Variants in CNBD1 observed in about 807,000 individuals in gnomAD.
The protein encoded by CNBD1 is cyclic nucleotide-binding domain-containing protein 1.
Under a neutral mutation model 54.4 loss-of-function variants are expected in CNBD1, and 71 were observed. That is an observed-to-expected ratio of 1.30 (90% CI 1.08 to 1.59). The LOEUF is 1.59. Among genes scored for constraint, CNBD1 ranks in the 40% most tolerant of loss-of-function variants. The probability of loss-of-function intolerance (pLI) is 0.00; values close to 1 mark genes in which losing one functional copy is unlikely to be tolerated. For synonymous variants in CNBD1, 182 were observed against 170.7 expected (o/e 1.07, Z -0.51); for missense variants, 659 against 518.0 (o/e 1.27, Z -2.64).
chr8:87,352,306 C>G (rs1385765027), intron 9 of CNBD1, among the ~76,000 whole-genome samples: 2 of 152,096 alleles, frequency 1.3e-5, no homozygotes, highest in Admixed American at 1.3e-4. Flanking sequence ...TGGCAAAACC[C>G]TGTCTTTACT....
intron 1 of CNBD1, among the ~76,000 whole-genome samples, chr8:86,871,039 T>G (rs535174486): frequency 1.3e-4 from 20 of 152,370 alleles, no homozygotes; most frequent in South Asian, 4.1e-4. Flanking sequence ...TGTTTTATTG[T>G]AAAGCAAACA....
At chr8:86,897,070 C>T (rs1178889613) in intron 2 of CNBD1, among the ~76,000 whole-genome samples, 1 of 152,134 alleles carries the variant, frequency 6.6e-6, no homozygotes, top group Admixed American at 6.5e-5. Context: ...GGAAAAGTGG[C>T]AGATGTATAG....
At chr8:87,240,894 G>C (rs1306467696) in intron 6 of CNBD1, among the ~76,000 whole-genome samples, 4 of 151,968 alleles carry the variant, frequency 2.6e-5, no homozygotes, top group Admixed American at 6.6e-5. Context: ...TCGCTTTTTA[G>C]GGTCAAAATT....
At chr8:87,066,937 T>C (rs974446559) in intron 4 of CNBD1, among the ~76,000 whole-genome samples, 1 of 151,994 alleles carries the variant, frequency 6.6e-6, no homozygotes, top group African/African-American at 2.4e-5. Flanking sequence ...TTCAGGATTT[T>C]GTTTGTAAAG....
chr8:87,140,055 A>G (rs1366366498), intron 4 of CNBD1, among the ~76,000 whole-genome samples: 1 of 152,208 alleles, frequency 6.6e-6, no homozygotes. Flanking sequence ...TGAAAAGGAA[A>G]AAAAAATTGT....
At chr8:87,069,234 T>G (rs1436779750) in intron 4 of CNBD1, among the ~76,000 whole-genome samples, 1 of 152,074 alleles carries the variant, frequency 6.6e-6, no homozygotes, top group Non-Finnish European at 1.5e-5. Flanking sequence ...CTGTTGTTAC[T>G]GTTTTGAAAA....
intron 8 of CNBD1, among the ~76,000 whole-genome samples, chr8:87,295,814 A>G (rs954388808): frequency 1.1e-4 from 17 of 152,178 alleles, no homozygotes; most frequent in African/African-American, 4.1e-4. Context: ...AAGCAAACTT[A>G]ATATATAAAA....
downstream of CNBD1, among the ~76,000 whole-genome samples, chr8:87,385,588 C>T (rs368804894): frequency 2.2e-3 from 341 of 152,014 alleles, 2 homozygotes; most frequent in African/African-American, 7.7e-3. Context: ...CCACCGTTGC[C>T]GAGGCTTGAG....
In CNBD1 at chr8:86,870,220, G is replaced by A. The variant is rs144181357; in HGVS notation, c.88+3637G>A. Among the ~76,000 whole-genome samples, 137 of 47,946 alleles carry A rather than the reference G, an allele frequency of 2.9e-3. 2 individuals carry two copies. In the East Asian group the frequency reaches 0.067, roughly 23 times the overall value. 31.5% of individuals were successfully genotyped at this position (47,946 alleles called of 152,430 possible). ...TTTTTTTTTTCTGAGACGGAATCTC[G>A]CTCTGTCGCCCAGGCTGGAGTGCAG... On this transcript the variant is annotated intron_variant, in intron 1 of 10. Transcript: ENST00000518476.
intron 8 of CNBD1, among the ~76,000 whole-genome samples, chr8:87,344,857 G>C (rs1810137862): frequency 6.6e-6 from 1 of 152,064 alleles, no homozygotes; most frequent in Non-Finnish European, 1.5e-5. Context: ...AATCATTATA[G>C]GTAGTTAGGC....
intron 4 of CNBD1, among the ~76,000 whole-genome samples, chr8:86,982,065 A>G (rs1477810996): frequency 6.6e-6 from 1 of 152,214 alleles, no homozygotes; most frequent in Non-Finnish European, 1.5e-5. Flanking sequence ...CATCCTGACC[A>G]AAACAGAATT....
chr8:87,370,486 C>A (rs567431272), intron 10 of CNBD1, among the ~76,000 whole-genome samples: 2,779 of 151,834 alleles, frequency 0.018, 93 homozygotes, highest in African/African-American at 0.061. Context: ...AGTGATGGTG[C>A]GCATTTTTTC....
At chr8:87,141,000 C>A (rs1472845805) in intron 4 of CNBD1, among the ~76,000 whole-genome samples, 2 of 152,106 alleles carry the variant, frequency 1.3e-5, no homozygotes, top group Non-Finnish European at 2.9e-5. Context: ...ATAAAAGGAA[C>A]ATGTTTCCTA....
intron 6 of CNBD1, among the ~76,000 whole-genome samples, chr8:87,259,353 C>T (rs1808088984): frequency 6.6e-6 from 1 of 152,134 alleles, no homozygotes; most frequent in Non-Finnish European, 1.5e-5. Context: ...AATTTAATGT[C>T]TCCAAAATAA....
intron 4 of CNBD1, among the ~76,000 whole-genome samples, chr8:86,946,702 T>C (rs945245270): frequency 9.1e-6 from 1 of 110,102 alleles, no homozygotes; most frequent in Non-Finnish European, 2.1e-5. Context: ...TGTGTTGTAT[T>C]ACAGATTTAA....
intron 8 of CNBD1, 141 bp from the exon 9 acceptor site, chr8:87,351,544 A>G (rs941872803): frequency 6.4e-5 from 45 of 701,292 alleles, no homozygotes; most frequent in Non-Finnish European, 8.9e-5. Context: ...TGTATTAAGT[A>G]CTGTCTATAA....
At chr8:86,866,933 C>G (rs1808373389) in intron 1 of CNBD1, among the ~76,000 whole-genome samples, 1 of 152,132 alleles carries the variant, frequency 6.6e-6, no homozygotes, top group South Asian at 2.1e-4. Flanking sequence ...TCTTCTACTC[C>G]CTACCAAGAG....
intron 6 of CNBD1, among the ~76,000 whole-genome samples, chr8:87,245,396 C>T (rs929448142): frequency 9.2e-5 from 14 of 152,024 alleles, no homozygotes; most frequent in African/African-American, 3.4e-4. Context: ...GAGGACTTCA[C>T]ATATAAACAT....
At chr8:87,231,914 C>A (rs1807448232) in intron 5 of CNBD1, among the ~76,000 whole-genome samples, 1 of 152,128 alleles carries the variant, frequency 6.6e-6, no homozygotes, top group Non-Finnish European at 1.5e-5. Context: ...TATTTCTTCC[C>A]AGTCAGTCTG....
Sources: gnomAD v4.1 joint callset for allele counts (sites outside exome capture counted in the v4.1 genomes callset) on GRCh38, gnomAD v4.1.1 for gene constraint, MANE v1.5 for transcripts, NCBI Gene and HGNC (gene_info 2026-07-23, HGNC 2026-07-21) for gene names.